Variants in CLIC4 observed in about 807,000 individuals in gnomAD.
CLIC4 encodes the protein chloride intracellular channel protein 4.
In CLIC4, 13 loss-of-function variants were observed where a neutral mutation model predicts 24.6. The observed-to-expected ratio is 0.53, with a 90% confidence interval of 0.34 to 0.84. The LOEUF is 0.84. CLIC4 is among the 40% of genes least tolerant of loss of function. The pLI, the probability that CLIC4 is intolerant of heterozygous loss-of-function variation, is 0.01. For missense variants in CLIC4, 227 were observed against 301.7 expected (o/e 0.75, Z 1.83); for synonymous variants, 104 against 111.3 (o/e 0.93, Z 0.41).
intron 2 of CLIC4, among the ~76,000 whole-genome samples, chr1:24,807,985 T>C (rs2124145402): frequency 6.6e-6 from 1 of 152,084 alleles, no homozygotes; most frequent in East Asian, 1.9e-4. Flanking sequence ...AATTTTGCTC[T>C]TGTTGCCCAG....
chr1:24,777,484 C>T (rs1170991258), intron 1 of CLIC4, among the ~76,000 whole-genome samples: 2 of 152,036 alleles, frequency 1.3e-5, no homozygotes, highest in African/African-American at 4.8e-5. Flanking sequence ...GTGGAGGTTG[C>T]AGTGAGCCGA....
chr1:24,810,860 C>G (rs1420136298), intron 2 of CLIC4, among the ~76,000 whole-genome samples: 1 of 151,646 alleles, frequency 6.6e-6, no homozygotes, highest in Non-Finnish European at 1.5e-5. Context: ...CCGAGGTGGG[C>G]GGATCATGAG....
chr1:24,812,315 A>T (rs2124150335), intron 2 of CLIC4, among the ~76,000 whole-genome samples: 1 of 152,262 alleles, frequency 6.6e-6, no homozygotes, highest in African/African-American at 2.4e-5. Context: ...TAATCTGGTG[A>T]TCCTTTTCCT....
chr1:24,831,762 C>T (rs188256710), intron 4 of CLIC4, among the ~76,000 whole-genome samples: 297 of 152,308 alleles, frequency 1.9e-3, no homozygotes, highest in African/African-American at 6.9e-3. Flanking sequence ...CCTCAGCCTC[C>T]TGCGTAGCTG....
chr1:24,761,379 G>T (rs1237431118), intron 1 of CLIC4, among the ~76,000 whole-genome samples: 3 of 152,164 alleles, frequency 2.0e-5, no homozygotes, highest in Non-Finnish European at 2.9e-5. Context: ...TTTAGATGGA[G>T]GCTCAGTGAG....
intron 1 of CLIC4, among the ~76,000 whole-genome samples, chr1:24,751,748 C>G (rs575499049): frequency 6.6e-6 from 1 of 152,188 alleles, no homozygotes; most frequent in South Asian, 2.1e-4. Context: ...CCTGTAATCC[C>G]GGCTACTCGG....
chr1:24,746,421 C>A (rs1236394273), intron 1 of CLIC4, among the ~76,000 whole-genome samples: 1 of 152,186 alleles, frequency 6.6e-6, no homozygotes, highest in African/African-American at 2.4e-5. Context: ...CTTGTGTCTT[C>A]AGCTTTCATG....
At chr1:24,822,031 G>A (rs1188239380) in intron 3 of CLIC4, among the ~76,000 whole-genome samples, 21 of 152,236 alleles carry the variant, frequency 1.4e-4, no homozygotes, top group Non-Finnish European at 7.3e-5. Context: ...AACTGAAGAT[G>A]TAATCCAAAT....
At chr1:24,757,065 T>C (rs548404488) in intron 1 of CLIC4, among the ~76,000 whole-genome samples, 100 of 152,202 alleles carry the variant, frequency 6.6e-4, no homozygotes, top group African/African-American at 2.3e-3. Context: ...CCAGCTAATT[T>C]TGTATTTTTA....
intron 1 of CLIC4, among the ~76,000 whole-genome samples, chr1:24,788,115 G>T (rs984056549): frequency 6.6e-6 from 1 of 152,056 alleles, no homozygotes; most frequent in Non-Finnish European, 1.5e-5. Context: ...GCCTCCCAAA[G>T]TGCTGGGATT....
At chr1:24,797,981 A>C (rs1639423679) in intron 2 of CLIC4, 130 bp downstream of exon 2, 1 of 670,752 alleles carries the variant, frequency 1.5e-6, no homozygotes, top group South Asian at 1.9e-5. Context: ...GTTTATGGAC[A>C]AACAACTTGT....
At chr1:24,769,367 C>A (rs777505420) in intron 1 of CLIC4, among the ~76,000 whole-genome samples, 1 of 152,040 alleles carries the variant, frequency 6.6e-6, no homozygotes, top group Non-Finnish European at 1.5e-5. Flanking sequence ...GTGTGCCAGC[C>A]GTTTGCATGT....
intron 1 of CLIC4, among the ~76,000 whole-genome samples, chr1:24,767,024 TAAAAAA>T (rs34142565): frequency 5.6e-5 from 4 of 71,124 alleles, no homozygotes; most frequent in African/African-American, 1.4e-4. Context: ...GCTGATGAGC[TAAAAAA>T]AAAAAAAAAA....
intron 1 of CLIC4, among the ~76,000 whole-genome samples, chr1:24,756,993 T>G (rs1638860920): frequency 6.6e-6 from 1 of 152,032 alleles, no homozygotes. Flanking sequence ...CCTCCTAGGT[T>G]CAAGCAATTC....
intron 1 of CLIC4, among the ~76,000 whole-genome samples, chr1:24,793,025 C>T (rs558057909): frequency 6.6e-6 from 1 of 152,122 alleles, no homozygotes; most frequent in Non-Finnish European, 1.5e-5. Context: ...TTTATTATGT[C>T]TCGTTTACCA....
chr1:24,760,466 T>C (rs927564398), intron 1 of CLIC4, among the ~76,000 whole-genome samples: 1 of 152,182 alleles, frequency 6.6e-6, no homozygotes, highest in Non-Finnish European at 1.5e-5. Context: ...TTGATCTAAC[T>C]TGTATTTCCA....
intron 3 of CLIC4, among the ~76,000 whole-genome samples, chr1:24,821,419 T>G (rs896748794): frequency 6.6e-6 from 1 of 152,166 alleles, no homozygotes; most frequent in Admixed American, 6.5e-5. Context: ...CATAGAAACA[T>G]TGTAACCAGA....
chr1:24,786,762 C>T (rs1639272138), intron 1 of CLIC4, among the ~76,000 whole-genome samples: 1 of 152,008 alleles, frequency 6.6e-6, no homozygotes, highest in Admixed American at 6.5e-5. Context: ...GGACTACAGG[C>T]ACCCACCACC....
chr1:24,785,653 A>C (rs1308869315), intron 1 of CLIC4, among the ~76,000 whole-genome samples: 1 of 152,108 alleles, frequency 6.6e-6, no homozygotes, highest in Non-Finnish European at 1.5e-5. Context: ...GGAGTTTGAG[A>C]CCAGCCTGGC....
Sources: gnomAD v4.1 joint callset for allele counts (sites outside exome capture counted in the v4.1 genomes callset) on GRCh38, gnomAD v4.1.1 for gene constraint, MANE v1.5 for transcripts, NCBI Gene and HGNC (gene_info 2026-07-23, HGNC 2026-07-21) for gene names.